The following PALM2AKAP2 variants were observed in gnomAD, a reference collection of about 807,000 sequenced individuals.
PALM2AKAP2 encodes the protein PALM2-AKAP2 fusion protein.
In PALM2AKAP2, 37 loss-of-function variants were observed where a neutral mutation model predicts 71.5. The ratio of observed to expected loss-of-function variants is 0.52; its 90% CI spans 0.40 to 0.68. The LOEUF is 0.68. PALM2AKAP2 is among the 30% of genes least tolerant of loss of function. The pLI, the probability that PALM2AKAP2 is intolerant of heterozygous loss-of-function variation, is 0.00. For missense variants in PALM2AKAP2, 1,224 were observed against 1,191.8 expected, an observed-to-expected ratio of 1.03 and a Z score of -0.40; for synonymous variants, 468 against 478.8, an observed-to-expected ratio of 0.98 and a Z score of 0.29.
intron 1 of PALM2AKAP2, among the ~76,000 whole-genome samples, chr9:109,861,569 A>C: frequency 6.6e-6 from 1 of 152,306 alleles, no homozygotes; most frequent in Non-Finnish European, 1.5e-5. Flanking sequence ...GGAATCTGGA[A>C]GTCTTTCTAA....
At chr9:109,903,612 C>T (rs1830377706) in intron 3 of PALM2AKAP2, among the ~76,000 whole-genome samples, 1 of 152,128 alleles carries the variant, frequency 6.6e-6, no homozygotes, top group African/African-American at 2.4e-5. Flanking sequence ...ATTTAATGAA[C>T]TTTCTCCTCC....
chr9:110,137,890 C>T, exon 2 of PALM2AKAP2: 1 of 1,614,182 alleles, frequency 6.2e-7, no homozygotes, highest in Non-Finnish European at 8.5e-7. Context: ...GTTTCTATTC[C>T]CCTTCCTCCA....
At chr9:110,082,907 T>C (rs1429716637) in intron 1 of PALM2AKAP2, among the ~76,000 whole-genome samples, 1 of 152,164 alleles carries the variant, frequency 6.6e-6, no homozygotes, top group Non-Finnish European at 1.5e-5. Flanking sequence ...GTTGGGAGGC[T>C]GAGGTGGGCG....
intron 7 of PALM2AKAP2, among the ~76,000 whole-genome samples, chr9:110,035,450 T>A (rs1280627271): frequency 6.9e-6 from 1 of 145,266 alleles, no homozygotes; most frequent in African/African-American, 2.5e-5. Context: ...ATGCGTATAA[T>A]ACAGATATAT....
intron 1 of PALM2AKAP2, among the ~76,000 whole-genome samples, chr9:109,690,917 C>T (rs1363060713): frequency 1.3e-5 from 2 of 152,032 alleles, no homozygotes; most frequent in African/African-American, 4.8e-5. Context: ...TGCACACTGG[C>T]CACTTCTCAG....
intron 1 of PALM2AKAP2, among the ~76,000 whole-genome samples, chr9:109,795,071 A>G (rs1237390933): frequency 6.6e-6 from 1 of 152,192 alleles, no homozygotes; most frequent in African/African-American, 2.4e-5. Context: ...TAACTGAAGT[A>G]CCATTAACAC....
At chr9:110,055,622 A>T (rs1833821738) in intron 1 of PALM2AKAP2, among the ~76,000 whole-genome samples, 1 of 152,206 alleles carries the variant, frequency 6.6e-6, no homozygotes, top group African/African-American at 2.4e-5. Context: ...TAGTCTTCAA[A>T]ATATGAATTT....
At chr9:109,771,499 C>T (rs1046361555) in intron 1 of PALM2AKAP2, among the ~76,000 whole-genome samples, 6 of 152,154 alleles carry the variant, frequency 3.9e-5, no homozygotes, top group African/African-American at 1.4e-4. Flanking sequence ...GAGCCTAAAA[C>T]AAAGGAGAAC....
At chr9:110,129,160 C>T (rs1452915851) in intron 1 of PALM2AKAP2, among the ~76,000 whole-genome samples, 1 of 152,202 alleles carries the variant, frequency 6.6e-6, no homozygotes, top group East Asian at 1.9e-4. Flanking sequence ...CTAGCTGACA[C>T]GTAGAGCAAC....
At chr9:109,721,473 C>A (rs1828404112) in intron 1 of PALM2AKAP2, among the ~76,000 whole-genome samples, 1 of 152,192 alleles carries the variant, frequency 6.6e-6, no homozygotes, top group Non-Finnish European at 1.5e-5. Flanking sequence ...AGGCAAAAAT[C>A]TACCTTCTAT....
At chr9:109,898,746 C>G (rs781637199) in intron 3 of PALM2AKAP2, among the ~76,000 whole-genome samples, 1 of 152,212 alleles carries the variant, frequency 6.6e-6, no homozygotes, top group African/African-American at 2.4e-5. Context: ...CACTAACTCT[C>G]CCTTCCTCCT....
At chr9:109,896,058 A>C (rs1392817425) in intron 3 of PALM2AKAP2, among the ~76,000 whole-genome samples, 1 of 152,028 alleles carries the variant, frequency 6.6e-6, no homozygotes, top group Non-Finnish European at 1.5e-5. Context: ...GGTGGCAGGC[A>C]CCTGTAATCC....
chr9:110,032,691 AAAATAAATAAATAAATAAATAAAT>A (rs200694533), intron 7 of PALM2AKAP2, among the ~76,000 whole-genome samples: 13 of 131,472 alleles, frequency 9.9e-5, no homozygotes, highest in South Asian at 2.4e-4. Context: ...ATTCTGTCTC[AAAATAAATAAATAAATAAATAAAT>A]AAATAAATAA....
At chr9:109,885,707 A>ATTCC (rs1829949226) in intron 3 of PALM2AKAP2, among the ~76,000 whole-genome samples, 5 of 152,166 alleles carry the variant, frequency 3.3e-5, no homozygotes, top group Admixed American at 1.3e-4. Flanking sequence ...TGCTTTGGGG[A>ATTCC]TTCCTGTAGG....
chr9:109,721,904 T>G (rs1828411234), intron 1 of PALM2AKAP2, among the ~76,000 whole-genome samples: 1 of 152,230 alleles, frequency 6.6e-6, no homozygotes, highest in South Asian at 2.1e-4. Flanking sequence ...TATATATGAA[T>G]TAGATTTCTT....
At chr9:109,902,171 G>A (rs893600936) in intron 3 of PALM2AKAP2, among the ~76,000 whole-genome samples, 5 of 152,166 alleles carry the variant, frequency 3.3e-5, no homozygotes, top group Non-Finnish European at 7.3e-5. Flanking sequence ...GGGACCTTGG[G>A]CAAGCTACTT....
At chr9:109,694,703 T>C (rs1827944078) in intron 1 of PALM2AKAP2, among the ~76,000 whole-genome samples, 1 of 152,064 alleles carries the variant, frequency 6.6e-6, no homozygotes, top group African/African-American at 2.4e-5. Context: ...AAAAGAAATC[T>C]GCCAGAGTAG....
intron 1 of PALM2AKAP2, among the ~76,000 whole-genome samples, chr9:109,764,807 G>T (rs1829123532): frequency 9.9e-6 from 1 of 101,328 alleles, no homozygotes; most frequent in Non-Finnish European, 2.0e-5. Context: ...CGGATAAAGG[G>T]ATGAATATTT....
At chr9:109,863,807 C>T (rs997016760) in intron 1 of PALM2AKAP2, among the ~76,000 whole-genome samples, 4 of 150,544 alleles carry the variant, frequency 2.7e-5, no homozygotes, top group Middle Eastern at 3.5e-3. Flanking sequence ...GGGCTGGGTT[C>T]GGAGGCTAAC....
Sources: gnomAD v4.1 joint callset for allele counts (sites outside exome capture counted in the v4.1 genomes callset) on GRCh38, gnomAD v4.1.1 for gene constraint, MANE v1.5 for transcripts, NCBI Gene and HGNC (gene_info 2026-07-23, HGNC 2026-07-21) for gene names.